Variants in DHX33 observed in about 807,000 individuals in gnomAD.
DHX33 encodes the protein DEAH-box helicase 33.
A neutral mutation model predicts 72.5 loss-of-function variants in DHX33; 42 were observed. The observed-to-expected ratio is 0.58, with a 90% CI of 0.45 to 0.75. The LOEUF (loss-of-function observed/expected upper bound fraction) is 0.75, where lower values mean the gene tolerates loss of function less well. DHX33 is among the 30% of genes least tolerant of loss of function. The pLI, the probability that DHX33 is intolerant of heterozygous loss-of-function variation, is 0.00. For synonymous variants in DHX33, 358 were observed against 366.1 expected (o/e 0.98, Z 0.25); for missense variants, 842 against 917.5 (o/e 0.92, Z 1.06).
At chr17:5,462,776 A>C (rs1005203932) in intron 2 of DHX33, among the ~76,000 whole-genome samples, 1 of 152,194 alleles carries the variant, frequency 6.6e-6, no homozygotes, top group Non-Finnish European at 1.5e-5. Context: ...TTCTACCTCA[A>C]GCTATTTAAT....
chr17:5,453,010 A>C (rs2151685857), intron 8 of DHX33, among the ~76,000 whole-genome samples: 1 of 152,380 alleles, frequency 6.6e-6, no homozygotes, highest in Non-Finnish European at 1.5e-5. Context: ...CAATATCATA[A>C]ATATTTCCAA....
chr17:5,452,429 A>G (rs1916975064), intron 8 of DHX33, among the ~76,000 whole-genome samples: 1 of 152,172 alleles, frequency 6.6e-6, no homozygotes. Flanking sequence ...AGTCCTAGCT[A>G]CTCGGGAGGC....
In DHX33 at chr17:5,444,368, G is replaced by A. The variant is rs768743551; in HGVS notation, c.1961C>T (p.Pro654Leu). The A allele has an allele frequency of 9.9e-6, 16 of 1,614,246 alleles. No individual in the cohort carries two copies. In the East Asian group the frequency reaches 1.6e-4, roughly 16 times the overall value. Residue 654 changes from proline (P) to leucine (L), a missense_variant, in exon 12 of 12, where the codon CCG (proline) becomes CTG (leucine). Transcript: ENST00000225296. This position sits in a 1 kb window ranked among gnomAD's most constrained non-coding sequence, Gnocchi z 4.9. ...CTTGCAGTGGAAGAGGACAGACGACGGGTGGATGGCCACTGGCTGGTGGGT... is the reference window on the plus strand; with the variant it reads ...CTTGCAGTGGAAGAGGACAGACGACAGGTGGATGGCCACTGGCTGGTGGGT... ...TDTHQPVAIHPSSVLFHCKPA... is the reference protein window; with the variant it reads ...TDTHQPVAIHLSSVLFHCKPA...
intron 6 of DHX33, among the ~76,000 whole-genome samples, chr17:5,454,682 A>C (rs1306536016): frequency 6.6e-6 from 1 of 152,200 alleles, no homozygotes; most frequent in Non-Finnish European, 1.5e-5. Flanking sequence ...GCAAAGTATA[A>C]AACAGACATG....
intron 6 of DHX33, among the ~76,000 whole-genome samples, chr17:5,454,907 T>C (rs189257865): frequency 6.6e-6 from 1 of 152,338 alleles, no homozygotes; most frequent in Admixed American, 6.5e-5. Flanking sequence ...CCAGACCCTC[T>C]GCCCAGGTCC....
At position 5,444,403 on chromosome 17, in the gene DHX33, G is replaced by A. The variant is rs1397495266; in HGVS notation, c.1926C>T (p.Ala642=). The A allele has an allele frequency of 7.4e-6, 12 of 1,614,122 alleles. No homozygotes were observed. Among genetic ancestry groups the A allele is most frequent in the Non-Finnish European group, 1.0e-5 (12 of 1,180,050 alleles). The change falls in exon 12 of 12, where the codon GCC becomes GCT. Residue 642 remains alanine (A), a synonymous_variant. Transcript: ENST00000225296. The surrounding 1 kb of genome is among the most constrained non-coding windows in gnomAD (Gnocchi z 4.9). ...TAELQPDGTY[A]TTDTHQPVAI... is the part of the protein sequence containing the mutation. Reference sequence around the variant, plus strand: ...CCACTGGCTGGTGGGTGTCCGTGGTGGCATAGGTGCCATCTGGCTGAAGCT... The same window carrying A: ...CCACTGGCTGGTGGGTGTCCGTGGTAGCATAGGTGCCATCTGGCTGAAGCT...
rs1425918721 is a variant in DHX33, at chr17:5,462,486, T to G, written c.511A>C (p.Thr171Pro). ...TSEDTRIKFL[T>P]DGMLLREAIS... ...GCTTCACGCAGAAGCATGCCATCTG[T>G]CAGAAACTTGATCCTGGTGTCTTCT... The change falls in exon 3 of 12, where the codon ACA becomes CCA. Residue 171 changes from threonine to proline, a missense_variant. By Grantham distance (38) the Thr-to-Pro change is conservative. Transcript: ENST00000225296. 15 of 1,614,086 alleles carry G rather than the reference T, an allele frequency of 9.3e-6. No homozygotes were observed. The highest frequency in any genetic ancestry group is 1.3e-5 in the Non-Finnish European group (15 of 1,180,032).
intron 11 of DHX33, among the ~76,000 whole-genome samples, chr17:5,447,708 T>A (rs1916714327): frequency 6.6e-6 from 1 of 152,190 alleles, no homozygotes; most frequent in East Asian, 1.9e-4. Flanking sequence ...ATCTAGAAAT[T>A]CATTCTGTGT....
At chr17:5,466,309 A>G (rs1385506533) in intron 1 of DHX33, among the ~76,000 whole-genome samples, 1 of 152,234 alleles carries the variant, frequency 6.6e-6, no homozygotes, top group Non-Finnish European at 1.5e-5. Context: ...GAGCACACTG[A>G]AAGTAGGCTG....
In DHX33 at chr17:5,467,649, G is replaced by A. The variant is rs527340390; in HGVS notation, c.289+922C>T. ...TATGCCAGCCGGGAATATGCCAGCC[G>A]GGAGATAAACCCCCTCGGGCCGGAA... is the stretch of plus-strand genomic sequence containing the variant. On this transcript the variant is annotated intron_variant, in intron 1 of 11. Coordinates refer to ENST00000225296, the MANE Select transcript of DHX33 (RefSeq NM_020162.4). 4.6e-5 allele frequency among the ~76,000 whole-genome samples: 7 copies of A among 152,130 alleles called. No individual in the cohort carries two copies. The East Asian group carries it at 1.2e-3, about 25-fold the overall frequency.
Position 5,455,375 on chromosome 17 carries a change from C to G in DHX33, c.1036-104G>C, listed in dbSNP as rs947845724. The G allele has an allele frequency of 2.9e-5, 26 of 898,354 alleles. No individual in the cohort carries two copies. The East Asian group carries it at 6.3e-4, about 22-fold the overall frequency. 55.6% of individuals were successfully genotyped at this position (898,354 alleles called of 1,614,324 possible). A position where few individuals can be genotyped will look rare whatever the true frequency, so the allele number is the denominator to read the frequency against. On this transcript the variant is annotated intron_variant, in intron 5 of 11. Transcript: ENST00000225296. ...ACTTCCACAATTCACTCTTGACCAACAGAAGATGACTCCATTATTAATGGC... is the reference window on the plus strand; with the variant it reads ...ACTTCCACAATTCACTCTTGACCAAGAGAAGATGACTCCATTATTAATGGC...
In DHX33 at chr17:5,468,755, C is replaced by T. The variant is rs1185275575; in HGVS notation, c.105G>A (p.Leu35=). 1.2e-6 allele frequency: 2 copies of T among 1,611,054 alleles called. No homozygotes were observed. Among genetic ancestry groups the T allele is most frequent in the Non-Finnish European group, 8.5e-7 (1 of 1,179,018 alleles). Residue 35 remains leucine, a synonymous_variant, in exon 1 of 12, where the codon CTG becomes CTA. Coordinates refer to ENST00000225296, the MANE Select transcript of DHX33 (RefSeq NM_020162.4). ...SFPPGRQVVM[L]LTAGSGGRGG... Reference sequence around the variant, plus strand: ...CTCTGCCGCCGCTGCCCGCAGTCAGCAGCATCACCACTTGCCTCCCGGGAG... The same window carrying T: ...CTCTGCCGCCGCTGCCCGCAGTCAGTAGCATCACCACTTGCCTCCCGGGAG...
At chr17:5,446,025 G>A (rs1466102364) in intron 11 of DHX33, among the ~76,000 whole-genome samples, 1 of 152,164 alleles carries the variant, frequency 6.6e-6, no homozygotes, top group Non-Finnish European at 1.5e-5. Context: ...CCAGGCTGGA[G>A]TGCAGTGGCA....
At chr17:5,447,766 A>G (rs1916717063) in intron 11 of DHX33, among the ~76,000 whole-genome samples, 1 of 152,204 alleles carries the variant, frequency 6.6e-6, no homozygotes, top group Non-Finnish European at 1.5e-5. Flanking sequence ...AATCTAAATG[A>G]CCATTATTAG....
Position 5,443,988 on chromosome 17 carries a change from A to G in DHX33, c.*217T>C. 1.9e-6 allele frequency: 1 copy of G among 520,504 alleles called. No individual in the cohort carries two copies. The highest frequency in any genetic ancestry group is 3.3e-6 in the Non-Finnish European group (1 of 302,886). 32.2% of individuals were successfully genotyped at this position (520,504 alleles called of 1,614,324 possible). ...AAGTCAAAGTCACCCAGTAAGAACC[A>G]AAAGCATAATTTTGAGGTTTCCAGG... On this transcript the variant is annotated 3_prime_UTR_variant, in exon 12 of 12. Transcript: ENST00000225296.
intron 1 of DHX33, 112 bp from the exon 2 acceptor site, chr17:5,463,801 T>C (rs1457311222): frequency 9.4e-7 from 1 of 1,067,194 alleles, no homozygotes; most frequent in African/African-American, 1.6e-5. Context: ...TAGGAGGCTC[T>C]CTTGAGCCCA....
At chr17:5,459,811 A>T (rs1350009419) in intron 4 of DHX33, among the ~76,000 whole-genome samples, 1 of 151,954 alleles carries the variant, frequency 6.6e-6, no homozygotes, top group Non-Finnish European at 1.5e-5. Flanking sequence ...TTAAAAAATA[A>T]TTTTTATAAT....
At position 5,453,931 on chromosome 17, in the gene DHX33, A is replaced by G. The variant is rs769495240; in HGVS notation, c.1197T>C (p.Ala399=). The G allele has an allele frequency of 1.9e-6, 3 of 1,614,110 alleles. No individual in the cohort carries two copies. The South Asian group carries it at 3.3e-5, about 18-fold the overall frequency. ...LAVQRVSKTQ[A]WQRTGRAGRE... is the part of the protein sequence containing the mutation. ...TGCCAGCCCTCCCTGTGCGCTGCCA[A>G]GCCTGCGTCTTCGATACCCGCTGCA... The change falls in exon 7 of 12, where the codon GCT becomes GCC. Residue 399 remains alanine, a synonymous_variant. Coordinates refer to ENST00000225296, the MANE Select transcript of DHX33 (RefSeq NM_020162.4).
At chr17:5,463,789 G>A in intron 1 of DHX33, 100 bp from the exon 2 acceptor site, 1 of 1,197,198 alleles carries the variant, frequency 8.4e-7, no homozygotes, top group Non-Finnish European at 1.1e-6. Context: ...GGGAGGCCGA[G>A]GTAGGAGGCT....
Sources: gnomAD v4.1 joint callset for allele counts (sites outside exome capture counted in the v4.1 genomes callset) on GRCh38, gnomAD v4.1.1 for gene constraint, Gnocchi (gnomAD v3.1) non-coding constraint, MANE v1.5 for transcripts, NCBI Gene and HGNC (gene_info 2026-07-23, HGNC 2026-07-21) for gene names.